Variants in PEBP4 observed in about 807,000 individuals in gnomAD.
PEBP4 encodes the protein phosphatidylethanolamine binding protein 4.
In PEBP4, 22 loss-of-function variants were observed where a neutral mutation model predicts 23.9. The ratio of observed to expected loss-of-function variants is 0.92; its 90% CI spans 0.66 to 1.31. The LOEUF is 1.31. Among genes scored for constraint, PEBP4 ranks in the 40% most tolerant of loss-of-function variants. The probability of loss-of-function intolerance (pLI) is 0.00; values close to 1 mark genes in which losing one functional copy is unlikely to be tolerated. For missense variants in PEBP4, 324 were observed against 281.7 expected, an observed-to-expected ratio of 1.15 and a Z score of -1.07; for synonymous variants, 112 against 99.3, an observed-to-expected ratio of 1.13 and a Z score of -0.76.
chr8:22,911,422 G>T (rs934040863), intron 3 of PEBP4, among the ~76,000 whole-genome samples: 2 of 152,146 alleles, frequency 1.3e-5, no homozygotes, highest in African/African-American at 4.8e-5. Context: ...ACTGCAGTGG[G>T]CACCTCCTCC....
intron 3 of PEBP4, among the ~76,000 whole-genome samples, chr8:22,889,118 C>T (rs968710441): frequency 9.2e-5 from 14 of 152,314 alleles, no homozygotes; most frequent in African/African-American, 3.4e-4. Context: ...CTTCAAACCT[C>T]GAAAATGACT....
intron 3 of PEBP4, among the ~76,000 whole-genome samples, chr8:22,829,017 G>A (rs938167085): frequency 6.6e-6 from 1 of 152,278 alleles, no homozygotes; most frequent in African/African-American, 2.4e-5. Context: ...TTCAACCTCA[G>A]TGGGGACCTC....
At chr8:22,908,541 G>A (rs529868503) in intron 3 of PEBP4, among the ~76,000 whole-genome samples, 2 of 152,234 alleles carry the variant, frequency 1.3e-5, no homozygotes, top group East Asian at 1.9e-4. Context: ...AAAAGGAATC[G>A]CAGAGTGAGG....
chr8:22,819,621 T>G (rs547987293), intron 3 of PEBP4, among the ~76,000 whole-genome samples: 1 of 152,202 alleles, frequency 6.6e-6, no homozygotes, highest in Non-Finnish European at 1.5e-5. Flanking sequence ...TGTTTTGTTT[T>G]GTTTTTTGAG....
In PEBP4 at chr8:22,865,586, C is replaced by A. The variant is rs943318922; in HGVS notation, c.259-47851G>T. On this transcript the variant is annotated intron_variant, in intron 3 of 6. Transcript: ENST00000256404. The surrounding 1 kb of genome is among the most constrained non-coding windows in gnomAD (Gnocchi z 6.9). ...CAGCCGCCGGGGAAGGAATTCCCTC[C>A]GCCCGGGCGCACGCGGCCCCCCGCC... Among the ~76,000 whole-genome samples, 1 of 152,218 alleles carries A rather than the reference C, an allele frequency of 6.6e-6. No homozygotes were observed. Among genetic ancestry groups the A allele is most frequent in the African/African-American group, 2.4e-5 (1 of 41,458 alleles).
chr8:22,920,369 C>T, intron 2 of PEBP4, 59 bp from the exon 3 acceptor site: 1 of 1,563,772 alleles, frequency 6.4e-7, no homozygotes, highest in Non-Finnish European at 8.8e-7. Flanking sequence ...CTGGGGTTCC[C>T]AAGGCTTCAG....
At chr8:22,778,722 T>C (rs1360311260) in intron 4 of PEBP4, among the ~76,000 whole-genome samples, 1 of 152,100 alleles carries the variant, frequency 6.6e-6, no homozygotes, top group Non-Finnish European at 1.5e-5. Context: ...GGGAGAAGGT[T>C]CTGGGCATGC....
intron 3 of PEBP4, among the ~76,000 whole-genome samples, chr8:22,834,711 TGGA>T: frequency 6.6e-6 from 1 of 152,340 alleles, no homozygotes; most frequent in Non-Finnish European, 1.5e-5. Flanking sequence ...AAGTCTCACT[TGGA>T]GAAGAAAATC....
intron 3 of PEBP4, chr8:22,888,154 T>G (rs1471125922): frequency 1.6e-5 from 2 of 126,754 alleles, no homozygotes; most frequent in East Asian, 5.1e-4. Flanking sequence ...CCCACCCACT[T>G]CTTTTTTTTT....
chr8:22,842,632 G>A (rs1344620278), intron 3 of PEBP4, among the ~76,000 whole-genome samples: 1 of 152,110 alleles, frequency 6.6e-6, no homozygotes, highest in Non-Finnish European at 1.5e-5. Flanking sequence ...AACAGACCAG[G>A]ATCCCAACAG....
intron 4 of PEBP4, among the ~76,000 whole-genome samples, chr8:22,731,561 A>ATTTT (rs1216444197): frequency 2.0e-5 from 3 of 152,100 alleles, no homozygotes; most frequent in African/African-American, 7.2e-5. Flanking sequence ...GAGAGTCCAA[A>ATTTT]GTTGTAGTTG....
Position 22,905,828 on chromosome 8 carries a change from G to T in PEBP4, c.258+14356C>A, listed in dbSNP as rs77124721. On this transcript the variant is annotated intron_variant, in intron 3 of 6. Coordinates refer to ENST00000256404, the MANE Select transcript of PEBP4 (RefSeq NM_144962.3). ...GATGAACGAGGAGGAGGAAATAGCTGTTCCACGATAACATACTGAAAAAGG... is the reference window on the plus strand; with the variant it reads ...GATGAACGAGGAGGAGGAAATAGCTTTTCCACGATAACATACTGAAAAAGG... 6.5e-4 allele frequency among the ~76,000 whole-genome samples: 99 copies of T among 152,328 alleles called. 3 individuals carry two copies. In the East Asian group the frequency reaches 0.015, roughly 23 times the overall value.
intron 3 of PEBP4, among the ~76,000 whole-genome samples, chr8:22,893,741 T>A (rs536674844): frequency 6.6e-6 from 1 of 151,998 alleles, no homozygotes; most frequent in Admixed American, 6.5e-5. Context: ...ATAGAAACTA[T>A]TCAAAATAAA....
chr8:22,931,628 G>A (rs1053011320), upstream of PEBP4, among the ~76,000 whole-genome samples: 1 of 152,052 alleles, frequency 6.6e-6, no homozygotes, highest in East Asian at 1.9e-4. Context: ...CTGTCACCGG[G>A]GCTGGAATGC....
intron 4 of PEBP4, among the ~76,000 whole-genome samples, chr8:22,793,328 A>G (rs1470184960): frequency 6.6e-6 from 1 of 151,962 alleles, no homozygotes; most frequent in Non-Finnish European, 1.5e-5. Flanking sequence ...GTGCAGTGGC[A>G]TGATCTTGGC....
At chr8:22,850,283 A>G (rs1207320166) in intron 3 of PEBP4, among the ~76,000 whole-genome samples, 1 of 152,192 alleles carries the variant, frequency 6.6e-6, no homozygotes, top group Non-Finnish European at 1.5e-5. Context: ...AAAGGTGAAC[A>G]GGCAAGAGTG....
chr8:22,888,000 A>G (rs1398036943), intron 3 of PEBP4: 1 of 152,080 alleles, frequency 6.6e-6, no homozygotes, highest in Non-Finnish European at 1.5e-5. Context: ...TGACAATAAA[A>G]AGGGAGTGAG....
At chr8:22,898,420 A>C (rs141154663) in intron 3 of PEBP4, among the ~76,000 whole-genome samples, 18,660 of 131,338 alleles carry the variant, frequency 0.14, 2,454 homozygotes, top group African/African-American at 0.29. Context: ...AAAAAAAAAA[A>C]AAAAAAAAAA....
Position 22,728,555 on chromosome 8 carries a change from TCTTTCTTC to T in PEBP4, c.358-1343_358-1336del, listed in dbSNP as rs1319513614. On this transcript the variant is annotated intron_variant, in intron 4 of 6. Transcript: ENST00000256404. ...TTCTTTCTTCCTTCCTTTCTTTCTT[TCTTTCTTC>T]CTTCCTTCCTTCCTTCCTTCCTTCC... Among the ~76,000 whole-genome samples, 160 of 69,474 alleles carry T rather than the reference TCTTTCTTC, an allele frequency of 2.3e-3. 1 individual carries two copies. Among genetic ancestry groups the T allele is most frequent in the East Asian group, 0.017 (53 of 3,064 alleles). The allele number at this position is 69,474 out of a possible 152,430, so 45.6% of individuals were successfully genotyped here.
Sources: allele counts gnomAD v4.1 joint callset (sites outside exome capture counted in the v4.1 genomes callset), GRCh38; gene constraint gnomAD v4.1.1; non-coding constraint Gnocchi (gnomAD v3.1); transcripts MANE v1.5; gene names NCBI Gene and HGNC (gene_info 2026-07-23, HGNC 2026-07-21).